CRACD: variants seen among roughly 807,000 people sequenced by gnomAD.
CRACD encodes capping protein-inhibiting regulator of actin dynamics.
CRACD carries 56 observed loss-of-function variants against 106.8 expected under a neutral mutation model. The observed-to-expected ratio is 0.52, with a 90% confidence interval of 0.42 to 0.66. CRACD has a LOEUF of 0.66. Ranked by LOEUF, CRACD falls within the 30% of genes least tolerant of loss-of-function variation. The probability of loss-of-function intolerance (pLI) is 0.00; values close to 1 mark genes in which losing one functional copy is unlikely to be tolerated. For missense variants in CRACD, 1,730 were observed against 1,623.2 expected (o/e 1.07, Z -1.13); for synonymous variants, 754 against 670.8 (o/e 1.12, Z -1.92).
intron 1 of CRACD, among the ~76,000 whole-genome samples, chr4:56,093,223 T>C (rs1275040333): frequency 6.6e-6 from 1 of 152,204 alleles, no homozygotes; most frequent in African/African-American, 2.4e-5. Context: ...CCTTACTGTG[T>C]GCTAGGCACT....
intron 2 of CRACD, among the ~76,000 whole-genome samples, chr4:56,226,833 C>CCT (rs1256191574): frequency 4.7e-5 from 7 of 149,946 alleles, no homozygotes; most frequent in African/African-American, 1.5e-4. Context: ...CTCCTTCACA[C>CCT]CTCTCTCTCT....
intron 2 of CRACD, among the ~76,000 whole-genome samples, chr4:56,244,324 A>G (rs906429088): frequency 6.6e-6 from 1 of 152,116 alleles, no homozygotes; most frequent in Non-Finnish European, 1.5e-5. Context: ...TGGGCCTGAT[A>G]GTGATCCCCA....
intron 2 of CRACD, among the ~76,000 whole-genome samples, chr4:56,231,715 A>G (rs534072173): frequency 2.0e-5 from 3 of 152,360 alleles, no homozygotes; most frequent in Non-Finnish European, 4.4e-5. Context: ...CATAAAGTAC[A>G]GGAAAAACCA....
intron 4 of CRACD, among the ~76,000 whole-genome samples, chr4:56,300,226 G>T (rs1475321888): frequency 3.3e-5 from 5 of 152,204 alleles, no homozygotes; most frequent in Admixed American, 3.3e-4. Flanking sequence ...ATTGTGTCTG[G>T]TCACATATTC....
In CRACD at chr4:56,329,978, A is replaced by C. The variant is rs548912832; in HGVS notation, c.*2174A>C. 3.3e-5 allele frequency among the ~76,000 whole-genome samples: 5 copies of C among 152,294 alleles called. No individual in the cohort carries two copies. Among genetic ancestry groups the C allele is most frequent in the African/African-American group, 4.8e-5 (2 of 41,560 alleles). On this transcript the variant is annotated 3_prime_UTR_variant, in exon 11 of 11. Transcript: ENST00000682029. Reference sequence around the variant, plus strand: ...CTTTAAAAGAAGAGTATACTGAAGAAAGGGCAGTCACAATACTTACTTCTA... The same window carrying C: ...CTTTAAAAGAAGAGTATACTGAAGACAGGGCAGTCACAATACTTACTTCTA...
chr4:56,138,721 G>A lies in CRACD; in HGVS notation c.-335-40563G>A, dbSNP rs1407885758. On this transcript the variant is annotated intron_variant, in intron 1 of 10. Transcript: ENST00000682029. ...CAGGTTATCATCCCGCATCAGGAGA[G>A]GATGAAACATGAGATTTGTGAAAAG... Among the ~76,000 whole-genome samples the A allele has an allele frequency of 2.0e-5, 3 of 152,160 alleles. No individual in the cohort carries two copies. In the East Asian group the frequency reaches 5.8e-4, roughly 29 times the overall value.
chr4:56,111,854 G>C (rs1434363872), intron 1 of CRACD, among the ~76,000 whole-genome samples: 1 of 152,146 alleles, frequency 6.6e-6, no homozygotes, highest in Non-Finnish European at 1.5e-5. Context: ...CCCAAGATGT[G>C]AATTAATTTT....
chr4:56,070,807 A>T (rs1732619792), intron 1 of CRACD, among the ~76,000 whole-genome samples: 1 of 144,658 alleles, frequency 6.9e-6, no homozygotes, highest in African/African-American at 2.6e-5. Context: ...TTGCAGAAGG[A>T]GTCTGTTGGG....
At chr4:56,311,925 C>T (rs778354327) in intron 6 of CRACD, among the ~76,000 whole-genome samples, 1 of 152,134 alleles carries the variant, frequency 6.6e-6, no homozygotes, top group South Asian at 2.1e-4. Context: ...CCTGTGGGTT[C>T]GGGCTGTGTC....
Position 56,308,158 on chromosome 4 carries a change from T to C in CRACD, c.285+459T>C, listed in dbSNP as rs946093866. Among the ~76,000 whole-genome samples, 90 of 152,212 alleles carry C rather than the reference T, an allele frequency of 5.9e-4. 2 individuals carry two copies. Among genetic ancestry groups the C allele is most frequent in the Non-Finnish European group, 2.5e-4 (17 of 68,036 alleles). ...TCCCTAGGACTGAGCCACTGCCTGCTTTGCAGTACTGCCTAATTATTTGTC... is the reference window on the plus strand; with the variant it reads ...TCCCTAGGACTGAGCCACTGCCTGCCTTGCAGTACTGCCTAATTATTTGTC... On this transcript the variant is annotated intron_variant, in intron 5 of 10. Coordinates refer to ENST00000682029, the MANE Select transcript of CRACD (RefSeq NM_001393381.1).
intron 3 of CRACD, among the ~76,000 whole-genome samples, chr4:56,289,384 A>C (rs146550425): frequency 1.3e-5 from 2 of 152,332 alleles, no homozygotes; most frequent in African/African-American, 4.8e-5. Flanking sequence ...TTAAGAATTA[A>C]AACTGGGCTG....
intron 1 of CRACD, among the ~76,000 whole-genome samples, chr4:56,159,690 C>T (rs1258887916): frequency 6.6e-6 from 1 of 152,008 alleles, no homozygotes; most frequent in African/African-American, 2.4e-5. Flanking sequence ...CTCTTCTGAC[C>T]CCCCTATAAT....
intron 1 of CRACD, among the ~76,000 whole-genome samples, chr4:56,076,833 T>C (rs918353564): frequency 7.9e-5 from 12 of 152,220 alleles, no homozygotes; most frequent in Non-Finnish European, 2.9e-5. Context: ...CATCGCTGAA[T>C]TTCCAGCATC....
At chr4:56,165,310 C>T (rs958356980) in intron 1 of CRACD, among the ~76,000 whole-genome samples, 16 of 152,170 alleles carry the variant, frequency 1.1e-4, no homozygotes, top group African/African-American at 3.4e-4. Flanking sequence ...GACAGAAATC[C>T]CTGCTCCTCT....
chr4:56,161,143 C>T (rs1022295787), intron 1 of CRACD, among the ~76,000 whole-genome samples: 7 of 152,040 alleles, frequency 4.6e-5, no homozygotes, highest in East Asian at 1.9e-4. Context: ...AACTAGTTCT[C>T]GGTCTATGGA....
intron 1 of CRACD, among the ~76,000 whole-genome samples, chr4:56,153,407 C>T (rs899266236): frequency 6.6e-6 from 1 of 152,180 alleles, no homozygotes; most frequent in African/African-American, 2.4e-5. Flanking sequence ...TTATTCTTTG[C>T]GGTCTTCTCC....
chr4:56,303,332 C>T (rs1282246419), intron 4 of CRACD, among the ~76,000 whole-genome samples: 4 of 145,886 alleles, frequency 2.7e-5, no homozygotes, highest in African/African-American at 7.7e-5. Flanking sequence ...GGTGACAGAG[C>T]GAGACTCCTT....
intron 2 of CRACD, among the ~76,000 whole-genome samples, chr4:56,204,878 A>G (rs1738046562): frequency 6.6e-6 from 1 of 152,054 alleles, no homozygotes; most frequent in East Asian, 1.9e-4. Context: ...TTAAAAAGAC[A>G]CCCAGGTACA....
intron 2 of CRACD, among the ~76,000 whole-genome samples, chr4:56,216,662 C>A (rs1234958169): frequency 6.6e-6 from 1 of 152,038 alleles, no homozygotes. Flanking sequence ...TCGGCCTTTG[C>A]AAAAATATGA....
Sources: gnomAD v4.1 joint callset for allele counts (sites outside exome capture counted in the v4.1 genomes callset) on GRCh38, gnomAD v4.1.1 for gene constraint, MANE v1.5 for transcripts, NCBI Gene and HGNC (gene_info 2026-07-23, HGNC 2026-07-21) for gene names.